Variants in MED13L observed in about 807,000 individuals in gnomAD.
The protein encoded by MED13L is mediator of RNA polymerase II transcription subunit 13-like.
In MED13L, 7 loss-of-function variants were observed where a neutral mutation model predicts 220.9. The observed-to-expected ratio is 0.03, with a 90% CI of 0.02 to 0.06. MED13L has a LOEUF of 0.06. MED13L is among the 10% of genes least tolerant of loss of function. The pLI, the probability that MED13L is intolerant of heterozygous loss-of-function variation, is 1.00. For missense variants in MED13L, 1,965 were observed against 2,760.5 expected, an observed-to-expected ratio of 0.71 and a Z score of 6.46; for synonymous variants, 1,011 against 1,015.2, an observed-to-expected ratio of 1.00 and a Z score of 0.08.
chr12:116,130,562 C>T (rs1225173759), intron 2 of MED13L, among the ~76,000 whole-genome samples: 1 of 152,202 alleles, frequency 6.6e-6, no homozygotes, highest in Non-Finnish European at 1.5e-5. Flanking sequence ...GAATGATAAG[C>T]ATCTTGGAAT....
rs1236101707 is a variant in MED13L at position 116,013,023 on chromosome 12, C to G, written c.1176-122G>C. 6.8e-6 allele frequency: 5 copies of G among 733,486 alleles called. No individual in the cohort carries two copies. In the African/African-American group the frequency reaches 7.0e-5, roughly 10 times the overall value. The allele number at this position is 733,486 out of a possible 1,614,324, so 45.4% of individuals were successfully genotyped here. On this transcript the variant is annotated intron_variant, in intron 8 of 30. Transcript: ENST00000281928. The stretch of plus-strand genomic sequence containing the variant: ...AATGGTATCCTGCTGACATGTAGTT[C>G]AGAGCAACCAATGAATAAAACAACC...
chr12:116,174,908 A>G (rs752730591), intron 2 of MED13L: 2 of 152,290 alleles, frequency 1.3e-5, no homozygotes, highest in East Asian at 3.8e-4. Context: ...TGATCTCTAT[A>G]GAAAACTAAA....
At position 116,136,295 on chromosome 12, in the gene MED13L, G is replaced by C. The variant is rs557644628; in HGVS notation, c.311-24783C>G. 1.5e-4 allele frequency among the ~76,000 whole-genome samples: 23 copies of C among 152,286 alleles called. No individual in the cohort carries two copies. The South Asian group carries it at 4.8e-3, about 32-fold the overall frequency. On this transcript the variant is annotated intron_variant, in intron 2 of 30. Transcript: ENST00000281928. ...CCCTTCATATCTACCATGCAAATAA[G>C]TGTTTCTCAAATTGGGGCTCTAGAA...
In MED13L at chr12:116,095,077, G is replaced by A. The variant is rs1409508738; in HGVS notation, c.479+1592C>T. Reference sequence around the variant, plus strand: ...CTTGGGAGGCTGAAGTGGGAGGATCGCTTGAACCCGGGAGGCAGAGGTTGC... The same window carrying A: ...CTTGGGAGGCTGAAGTGGGAGGATCACTTGAACCCGGGAGGCAGAGGTTGC... On this transcript the variant is annotated intron_variant, in intron 4 of 30. Transcript: ENST00000281928. Among the ~76,000 whole-genome samples, 4 of 152,038 alleles carry A rather than the reference G, an allele frequency of 2.6e-5. 1 individual carries two copies. The highest frequency in any genetic ancestry group is 9.7e-5 in the African/African-American group (4 of 41,386).
At position 116,008,685 on chromosome 12, in the gene MED13L, G is replaced by A. The variant is rs145052784; in HGVS notation, c.1728C>T (p.Val576=). 90 of 1,613,942 alleles carry A rather than the reference G, an allele frequency of 5.6e-5. No homozygotes were observed. Among genetic ancestry groups the A allele is most frequent in the Non-Finnish European group, 7.1e-5 (84 of 1,180,018 alleles). Residue 576 remains valine, a synonymous_variant, in exon 10 of 31, where the codon GTC becomes GTT. Coordinates refer to ENST00000281928, the MANE Select transcript of MED13L (RefSeq NM_015335.5). ...QETESLDPPS[V]PVNPALYGNG... ...TTCCATAAAGGGCTGGATTCACAGG[G>A]ACCGATGGTGGGTCCAAACTCTCTG...
At chr12:116,272,049 G>A (rs1049359840) in intron 1 of MED13L, among the ~76,000 whole-genome samples, 7 of 152,042 alleles carry the variant, frequency 4.6e-5, no homozygotes, top group Non-Finnish European at 1.0e-4. Context: ...AGAGACAGCT[G>A]AATTAACTGT....
intron 2 of MED13L, among the ~76,000 whole-genome samples, chr12:116,231,739 C>T (rs1015979788): frequency 6.6e-6 from 1 of 152,130 alleles, no homozygotes; most frequent in Admixed American, 6.5e-5. Context: ...ATTCACAGGA[C>T]TTAAATGCTG....
In MED13L at chr12:115,982,258, G is replaced by A. The variant is rs1877378832; in HGVS notation, c.5175+126C>T. 6 of 965,240 alleles carry A rather than the reference G, an allele frequency of 6.2e-6. No individual in the cohort carries two copies. In the South Asian group the frequency reaches 8.9e-5, roughly 14 times the overall value. 59.8% of individuals were successfully genotyped at this position (965,240 alleles called of 1,614,324 possible). On this transcript the variant is annotated intron_variant, in intron 22 of 30. Coordinates refer to ENST00000281928, the MANE Select transcript of MED13L (RefSeq NM_015335.5). ...GAAATCCAAAACACTCTGGTTCCTA[G>A]TATTTTGGTTAGGGGATAATTAACC...
intron 2 of MED13L, among the ~76,000 whole-genome samples, chr12:116,142,305 T>C (rs966915945): frequency 1.3e-5 from 2 of 152,208 alleles, no homozygotes; most frequent in African/African-American, 4.8e-5. Context: ...GCCTGGTAAA[T>C]AGTAGCACTC....
intron 1 of MED13L, among the ~76,000 whole-genome samples, chr12:116,274,424 CAAAA>C (rs989877048): frequency 2.2e-5 from 2 of 89,666 alleles, no homozygotes; most frequent in African/African-American, 7.7e-5. Flanking sequence ...AAAAACAAAA[CAAAA>C]AAAAAAAAAA....
intron 3 of MED13L, among the ~76,000 whole-genome samples, chr12:116,106,098 C>T (rs1448992591): frequency 6.6e-6 from 1 of 152,204 alleles, no homozygotes; most frequent in Non-Finnish European, 1.5e-5. Context: ...AATGAACATG[C>T]AACATGAGCA....
chr12:116,262,926 T>C (rs1165316164), intron 1 of MED13L, among the ~76,000 whole-genome samples: 1 of 152,192 alleles, frequency 6.6e-6, no homozygotes, highest in African/African-American at 2.4e-5. Context: ...GTAGTCTATT[T>C]GGGATCATGA....
At chr12:116,108,393 G>GA (rs1873779905) in intron 3 of MED13L, among the ~76,000 whole-genome samples, 2 of 140,454 alleles carry the variant, frequency 1.4e-5, no homozygotes, top group South Asian at 5.1e-4. Context: ...AAAAGAAAGG[G>GA]GGGGGGGGCG....
At chr12:116,220,861 GGGGAAAAAA>G (rs1883267526) in intron 2 of MED13L, among the ~76,000 whole-genome samples, 1 of 152,022 alleles carries the variant, frequency 6.6e-6, no homozygotes, top group African/African-American at 2.4e-5. Flanking sequence ...CACAGAGTTG[GGGGAAAAAA>G]CTGTGTGGTT....
intron 7 of MED13L, among the ~76,000 whole-genome samples, chr12:116,017,760 C>A (rs1166216992): frequency 6.6e-6 from 1 of 152,092 alleles, no homozygotes; most frequent in East Asian, 1.9e-4. Flanking sequence ...GAACTACAGG[C>A]ATTTGTCACC....
rs1028349166 is a variant in MED13L at position 116,277,119 on chromosome 12, C to G, written c.13G>C (p.Ala5Pro). ...CTCGCCCCGTTCGCCACCCAGTTCG[C>G]TGCCGCAGTCATGATCCTCCGCGAG... MTAA[A>P]NWVANGASLE... The change falls in exon 1 of 31, where the codon GCG becomes CCG. Residue 5 changes from alanine (A) to proline (P), a missense_variant. Around this residue, in one of 10 missense-constraint regions of MED13L, gnomAD observed 818 missense variants for 1,041.2 expected, o/e 0.79. Coordinates refer to ENST00000281928, the MANE Select transcript of MED13L (RefSeq NM_015335.5). The G allele has an allele frequency of 1.3e-6, 2 of 1,584,840 alleles. No individual in the cohort carries two copies. Among genetic ancestry groups the G allele is most frequent in the African/African-American group, 2.7e-5 (2 of 74,416 alleles).
At chr12:116,237,442 T>C in intron 2 of MED13L, 26 bp downstream of exon 2, 2 of 1,537,586 alleles carry the variant, frequency 1.3e-6, no homozygotes, top group Non-Finnish European at 1.8e-6. Flanking sequence ...TGCAAATAAT[T>C]TTTAAGAAAA....
Position 115,980,754 on chromosome 12 carries a change from G to A in MED13L, c.5360C>T (p.Pro1787Leu). The change falls in exon 23 of 31, where the codon CCT (proline) becomes CTT (leucine). Residue 1787 changes from proline (P) to leucine (L), a missense_variant. Pro to Leu is a moderately conservative substitution (Grantham distance 98). This residue lies in a region of MED13L where 510 missense variants were observed against 620.4 expected (regional missense o/e 0.82). Transcript: ENST00000281928. Reference protein sequence around the residue: ...AASIEMTLKNPERPSPIQLYS... With the variant: ...AASIEMTLKNLERPSPIQLYS... ...TTCTGTCCTGCCAATACCTACCTCA[G>A]GGTTCTTGAGGGTCATCTCAATGCT... is the stretch of plus-strand genomic sequence containing the variant. The A allele has an allele frequency of 3.1e-6, 5 of 1,613,994 alleles. No individual in the cohort carries two copies. The South Asian group carries it at 3.3e-5, about 11-fold the overall frequency.
chr12:116,045,415 C>T (rs989228057), intron 4 of MED13L, among the ~76,000 whole-genome samples: 6 of 152,292 alleles, frequency 3.9e-5, no homozygotes, highest in African/African-American at 1.4e-4. Flanking sequence ...CTCCCATCCT[C>T]TTGCTAGCAG....
Sources: gnomAD v4.1 joint callset for allele counts (sites outside exome capture counted in the v4.1 genomes callset) on GRCh38, gnomAD v4.1.1 for gene constraint, gnomAD v4.1.1 regional missense constraint, MANE v1.5 for transcripts, NCBI Gene and HGNC (gene_info 2026-07-23, HGNC 2026-07-21) for gene names.